The following NDFIP2 variants were observed in gnomAD, a reference collection of about 807,000 sequenced individuals.
NDFIP2 encodes the protein NEDD4 family-interacting protein 2.
NDFIP2 carries 19 observed loss-of-function variants against 36.0 expected under a neutral mutation model. The ratio of observed to expected loss-of-function variants is 0.53; its 90% CI spans 0.37 to 0.77. NDFIP2 has a LOEUF of 0.77. Ranked by LOEUF, NDFIP2 falls within the 30% of genes least tolerant of loss-of-function variation. NDFIP2 has a pLI of 0.00. For synonymous variants in NDFIP2, 181 were observed against 167.7 expected (o/e 1.08, Z -0.61); for missense variants, 446 against 435.8 (o/e 1.02, Z -0.21).
chr13:79,524,752 G>A (rs577539072), intron 2 of NDFIP2, among the ~76,000 whole-genome samples: 2 of 152,288 alleles, frequency 1.3e-5, no homozygotes, highest in South Asian at 4.1e-4. Flanking sequence ...TATGTTGCCA[G>A]AATTTGGGCA....
Position 79,548,404 on chromosome 13 carries a change from T to C in NDFIP2, c.907+10T>C. The C allele has an allele frequency of 6.4e-7, 1 of 1,561,080 alleles. No homozygotes were observed. Among genetic ancestry groups the C allele is most frequent in the South Asian group, 1.2e-5 (1 of 86,938 alleles). On this transcript the variant is annotated intron_variant, in intron 6 of 7. Coordinates refer to ENST00000218652, the MANE Select transcript of NDFIP2 (RefSeq NM_019080.3). The stretch of plus-strand genomic sequence containing the variant: ...ATATTTCTTGTACTTGGTAAGTTTA[T>C]TCTTAATGCATTTAGTTTAACTTGG...
At chr13:79,548,235 A>G (rs1875764384) in intron 5 of NDFIP2, 93 bp from the exon 6 acceptor site, 2 of 965,334 alleles carry the variant, frequency 2.1e-6, no homozygotes, top group Non-Finnish European at 1.6e-6. Context: ...GTTAAAGATT[A>G]TTTGAAGTAA....
At chr13:79,502,403 A>T (rs1402580493) in intron 1 of NDFIP2, among the ~76,000 whole-genome samples, 1 of 152,190 alleles carries the variant, frequency 6.6e-6, no homozygotes, top group African/African-American at 2.4e-5. Flanking sequence ...AATGAAACTT[A>T]AACCAAACCA....
intron 3 of NDFIP2, among the ~76,000 whole-genome samples, chr13:79,539,135 A>G (rs1875361782): frequency 6.6e-6 from 1 of 152,154 alleles, no homozygotes; most frequent in Non-Finnish European, 1.5e-5. Flanking sequence ...GGGCATTTAG[A>G]TTGTATCTAA....
At chr13:79,491,212 G>A (rs1282167751) in intron 1 of NDFIP2, among the ~76,000 whole-genome samples, 1 of 152,084 alleles carries the variant, frequency 6.6e-6, no homozygotes, top group African/African-American at 2.4e-5. Flanking sequence ...CTGCCATATG[G>A]TAGACTTTCA....
chr13:79,544,212 A>G (rs1875568349), intron 5 of NDFIP2, among the ~76,000 whole-genome samples: 1 of 152,154 alleles, frequency 6.6e-6, no homozygotes, highest in Admixed American at 6.5e-5. Context: ...AAACATTGAG[A>G]GCTCAAAAGT....
chr13:79,519,152 T>C (rs538832241), intron 1 of NDFIP2: 2 of 152,310 alleles, frequency 1.3e-5, no homozygotes, highest in South Asian at 4.1e-4. Flanking sequence ...TTCATTTTGC[T>C]ACATCACATT....
At chr13:79,509,626 G>A (rs762645597) in intron 1 of NDFIP2, among the ~76,000 whole-genome samples, 2 of 151,924 alleles carry the variant, frequency 1.3e-5, no homozygotes, top group Non-Finnish European at 2.9e-5. Context: ...AAGGGGAGGA[G>A]TTGTATTGGC....
chr13:79,484,307 G>A (rs1158441403), intron 1 of NDFIP2, among the ~76,000 whole-genome samples: 1 of 152,166 alleles, frequency 6.6e-6, no homozygotes, highest in Non-Finnish European at 1.5e-5. Flanking sequence ...GAGCCACAGA[G>A]CCCGGCCAAA....
chr13:79,525,472 G>A lies in NDFIP2; in HGVS notation c.487+4497G>A, dbSNP rs897673470. Reference sequence around the variant, plus strand: ...ACTTTCACTTTTTCACTTACAGGTAGCGCTTTATGGCTCTCTTTGGCATAT... The same window carrying A: ...ACTTTCACTTTTTCACTTACAGGTAACGCTTTATGGCTCTCTTTGGCATAT... On this transcript the variant is annotated intron_variant, in intron 2 of 7. Coordinates refer to ENST00000218652, the MANE Select transcript of NDFIP2 (RefSeq NM_019080.3). 2.0e-5 allele frequency among the ~76,000 whole-genome samples: 3 copies of A among 152,168 alleles called. No homozygotes were observed. The South Asian group carries it at 6.2e-4, about 32-fold the overall frequency.
intron 5 of NDFIP2, among the ~76,000 whole-genome samples, chr13:79,544,071 T>G (rs972940777): frequency 1.3e-5 from 2 of 152,188 alleles, no homozygotes; most frequent in African/African-American, 4.8e-5. Context: ...CACAAATATA[T>G]GTGCTCAGTA....
At chr13:79,490,752 T>C (rs1346336140) in intron 1 of NDFIP2, among the ~76,000 whole-genome samples, 1 of 152,194 alleles carries the variant, frequency 6.6e-6, no homozygotes, top group African/African-American at 2.4e-5. Flanking sequence ...TCTAAGAAAT[T>C]AATTTTTTAT....
chr13:79,543,149 T>C (rs1400686040), intron 4 of NDFIP2, among the ~76,000 whole-genome samples: 4 of 152,240 alleles, frequency 2.6e-5, no homozygotes, highest in African/African-American at 7.2e-5. Flanking sequence ...AGTGCTGGGA[T>C]TACAGGCATG....
At chr13:79,543,808 C>T in intron 5 of NDFIP2, 126 bp downstream of exon 5, 2 of 1,199,798 alleles carry the variant, frequency 1.7e-6, no homozygotes, top group Non-Finnish European at 2.3e-6. Flanking sequence ...TTCTTAAATC[C>T]TATACTTAAT....
intron 1 of NDFIP2, among the ~76,000 whole-genome samples, chr13:79,503,107 G>A (rs1873729393): frequency 6.6e-6 from 1 of 152,156 alleles, no homozygotes; most frequent in Non-Finnish European, 1.5e-5. Context: ...GAGGAGAGAA[G>A]TTGAAGGAAT....
intron 1 of NDFIP2, among the ~76,000 whole-genome samples, chr13:79,504,462 G>A (rs1873784452): frequency 6.6e-6 from 1 of 152,126 alleles, no homozygotes; most frequent in Admixed American, 6.5e-5. Context: ...CTTATATAGA[G>A]TGCAGTTATC....
intron 2 of NDFIP2, among the ~76,000 whole-genome samples, chr13:79,530,287 A>G (rs1874965497): frequency 6.6e-6 from 1 of 152,030 alleles, no homozygotes. Flanking sequence ...TTAAAAAAAA[A>G]ATTAGTATTT....
intron 1 of NDFIP2, among the ~76,000 whole-genome samples, chr13:79,520,253 AAGAGATGGTAGT>A (rs1386331448): frequency 2.6e-5 from 4 of 152,224 alleles, no homozygotes; most frequent in African/African-American, 9.6e-5. Flanking sequence ...CATAAGTAGG[AAGAGATGGTAGT>A]AGAGATGGTA....
rs1189206001 is a variant in NDFIP2 at position 79,491,634 on chromosome 13, T to C, written c.321+10110T>C. The stretch of plus-strand genomic sequence containing the variant: ...CATTCTAAAACATTGCTCAATTGTA[T>C]GTGTATTCGCAATATGTTATTTTAG... On this transcript the variant is annotated intron_variant, in intron 1 of 7. Transcript: ENST00000218652. Among the ~76,000 whole-genome samples the C allele has an allele frequency of 2.0e-5, 3 of 152,244 alleles. No individual in the cohort carries two copies. The East Asian group carries it at 5.8e-4, about 29-fold the overall frequency.
Sources: allele counts gnomAD v4.1 joint callset (sites outside exome capture counted in the v4.1 genomes callset), GRCh38; gene constraint gnomAD v4.1.1; transcripts MANE v1.5; gene names NCBI Gene and HGNC (gene_info 2026-07-23, HGNC 2026-07-21).